Variants in CAPN12 observed in about 807,000 individuals in gnomAD.
The protein encoded by CAPN12 is calpain-12.
A neutral mutation model predicts 95.0 loss-of-function variants in CAPN12; 107 were observed. The observed-to-expected ratio is 1.13, with a 90% CI of 0.96 to 1.32. CAPN12 has a LOEUF of 1.32. Ranked by LOEUF, CAPN12 falls within the 40% of genes most tolerant of loss-of-function variation. The pLI is 0.00. For synonymous variants in CAPN12, 505 were observed against 415.5 expected (o/e 1.22, Z -2.62); for missense variants, 1,136 against 997.8 (o/e 1.14, Z -1.87).
intron 12 of CAPN12, 22 bp downstream of exon 12, chr19:38,736,088 G>C (rs1211387162): frequency 6.8e-6 from 10 of 1,478,262 alleles, no homozygotes; most frequent in Middle Eastern, 2.1e-4. Flanking sequence ...GATGGGGTCG[G>C]ATTTGGGTGC....
At position 38,734,139 on chromosome 19, in the gene CAPN12, C is replaced by T. The variant is rs1324899341; in HGVS notation, c.1878+3G>A. ...TGGGAAGAGGCCCAGTCTCCCACCT[C>T]ACCTGCCACTCCAGGAGGTAGCCCC... On this transcript the variant is annotated splice_donor_region_variant and intron_variant, in intron 17 of 20. Transcript: ENST00000328867. The T allele has an allele frequency of 6.2e-7, 1 of 1,612,550 alleles. No individual in the cohort carries two copies. The highest frequency in any genetic ancestry group is 1.7e-5 in the Admixed American group (1 of 59,982).
rs1970249731 is a variant in CAPN12 at position 38,737,183 on chromosome 19, G to A, written c.1335C>T (p.Tyr445=). The A allele has an allele frequency of 1.3e-6, 2 of 1,548,564 alleles. No individual in the cohort carries two copies. Among genetic ancestry groups the A allele is most frequent in the East Asian group, 2.4e-5 (1 of 41,012 alleles). ...RRRLRAKGLT[Y]LTVGFHVFQI... is the part of the protein sequence containing the mutation. ...GGAACACGTGGAAGCCAACGGTGAGGTAAGTGAGGCCCTTGGCTCTCAGGC... is the reference window on the plus strand; with the variant it reads ...GGAACACGTGGAAGCCAACGGTGAGATAAGTGAGGCCCTTGGCTCTCAGGC... The change falls in exon 10 of 21, where the codon TAC becomes TAT. Residue 445 remains tyrosine (Y), a synonymous_variant. Transcript: ENST00000328867.
rs1969697436 is a variant in CAPN12, at chr19:38,732,461, AG to A, written c.1958-1239del. On this transcript the variant is annotated intron_variant, in intron 18 of 20. Transcript: ENST00000328867. The stretch of plus-strand genomic sequence containing the variant: ...ATTCTCCTGTCTCAGCCTCCCAAGT[AG>A]CTGGGATTACAGGCACGCACCACCA... Among the ~76,000 whole-genome samples the A allele has an allele frequency of 2.0e-5, 3 of 152,190 alleles. No individual in the cohort carries two copies. In the South Asian group the frequency reaches 6.2e-4, roughly 32 times the overall value.
intron 18 of CAPN12, among the ~76,000 whole-genome samples, chr19:38,732,091 G>A (rs1969661753): frequency 2.0e-5 from 3 of 152,240 alleles, no homozygotes; most frequent in Non-Finnish European, 4.4e-5. Context: ...AGGAGTTCCC[G>A]TTTGAGAAAT....
In CAPN12 at chr19:38,744,223, CG is replaced by C; in HGVS notation, c.-59del. 1 of 1,518,552 alleles carries C rather than the reference CG, an allele frequency of 6.6e-7. No individual in the cohort carries two copies. The highest frequency in any genetic ancestry group is 2.3e-5 in the East Asian group (1 of 44,342). 94.1% of individuals were successfully genotyped at this position (1,518,552 alleles called of 1,614,324 possible). ...CCTTTAACCTCCTGAGTCACGGGGGCGGGGCCTCTCTTCCATTGGAGCCCCA... is the reference window on the plus strand; with the variant it reads ...CCTTTAACCTCCTGAGTCACGGGGGCGGGCCTCTCTTCCATTGGAGCCCCA... On this transcript the variant is annotated 5_prime_UTR_variant, in exon 1 of 21. An upstream open reading frame in the 5' UTR loses its in-frame stop. Coordinates refer to ENST00000328867, the MANE Select transcript of CAPN12 (RefSeq NM_144691.4).
In CAPN12 at chr19:38,743,944, T is replaced by C; in HGVS notation, c.222A>G (p.Lys74=). ...CACACTTTACATGGGGCCTCATCCATTTCACGCCTTTGGCCTTCTCCGAGT... is the reference window on the plus strand; with the variant it reads ...CACACTTTACATGGGGCCTCATCCACTTCACGCCTTTGGCCTTCTCCGAGT... ...GPDSEKAKGV[K]WMRPHEFCAE... is the part of the protein sequence containing the mutation. Residue 74 remains lysine (K), a synonymous_variant, in exon 1 of 21, where the codon AAA becomes AAG. Coordinates refer to ENST00000328867, the MANE Select transcript of CAPN12 (RefSeq NM_144691.4). 1.2e-6 allele frequency: 2 copies of C among 1,614,126 alleles called. No individual in the cohort carries two copies. The highest frequency in any genetic ancestry group is 1.7e-6 in the Non-Finnish European group (2 of 1,179,996).
chr19:38,734,443 T>C, intron 15 of CAPN12, 54 bp from the exon 16 acceptor site: 1 of 1,482,030 alleles, frequency 6.7e-7, no homozygotes, highest in South Asian at 1.3e-5. Flanking sequence ...GGCCACCACT[T>C]TAAGGGCTGG....
At chr19:38,736,722 C>G in intron 10 of CAPN12, 159 bp from the exon 11 acceptor site, 1 of 884,330 alleles carries the variant, frequency 1.1e-6, no homozygotes, top group Non-Finnish European at 1.7e-6. Context: ...CCCAGGCCCT[C>G]GCCGACCCCT....
chr19:38,742,287 C>A, intron 3 of CAPN12, 123 bp downstream of exon 3: 2 of 774,586 alleles, frequency 2.6e-6, no homozygotes, highest in Non-Finnish European at 4.3e-6. Flanking sequence ...CGAGATTGTG[C>A]CACTGCACTC....
At chr19:38,735,163 G>C in intron 14 of CAPN12, 1 of 607,244 alleles carries the variant, frequency 1.6e-6, no homozygotes, top group Non-Finnish European at 2.9e-6. Context: ...GGAGGGAGAG[G>C]GTGGTCCTGG....
At chr19:38,737,409 G>A in intron 9 of CAPN12, 21 bp from the exon 10 acceptor site, 1 of 1,609,330 alleles carries the variant, frequency 6.2e-7, no homozygotes, top group Non-Finnish European at 8.5e-7. Flanking sequence ...AGGAAAAAAG[G>A]GGGTTTCCTA....
intron 5 of CAPN12, chr19:38,739,138 A>G (rs1970397524): frequency 5.9e-6 from 1 of 169,164 alleles, no homozygotes; most frequent in African/African-American, 2.4e-5. Flanking sequence ...CCTGCCTCCA[A>G]AAACAAAAAC....
At position 38,730,966 on chromosome 19, in the gene CAPN12, T is replaced by C. The variant is rs1036089865; in HGVS notation, c.2132A>G (p.Gln711Arg). The change falls in exon 20 of 21, where the codon CAG becomes CGG. Residue 711 changes from glutamine to arginine, a missense_variant and splice_region_variant. Coordinates refer to ENST00000328867, the MANE Select transcript of CAPN12 (RefSeq NM_144691.4). ...GEGVICLTHR[Q>R]WMEVATFS is the part of the protein sequence containing the mutation. ...CCCTGTCCCTCCCACCTGGCTCACCTGTCTGTGGGTCAGGCAGATGACCCC... is the reference window on the plus strand; with the variant it reads ...CCCTGTCCCTCCCACCTGGCTCACCCGTCTGTGGGTCAGGCAGATGACCCC... 5.8e-6 allele frequency: 9 copies of C among 1,550,626 alleles called. No homozygotes were observed. The highest frequency in any genetic ancestry group is 4.1e-5 in the African/African-American group (3 of 73,062).
In CAPN12 at chr19:38,744,015, A is replaced by G; in HGVS notation, c.151T>C (p.Phe51Leu). Residue 51 changes from phenylalanine to leucine, a missense_variant, in exon 1 of 21, where the codon TTC (phenylalanine) becomes CTC (leucine). Transcript: ENST00000328867. ...DSGILFRDPY[F>L]PAGPDALGYD... ...CCAAGGGCATCAGGGCCAGCAGGGA[A>G]GTAAGGGTCGCGGAACAGGATCCCC... 1 of 1,614,122 alleles carries G rather than the reference A, an allele frequency of 6.2e-7. No homozygotes were observed. Among genetic ancestry groups the G allele is most frequent in the Non-Finnish European group, 8.5e-7 (1 of 1,179,998 alleles).
Position 38,740,224 on chromosome 19 carries a change from G to A in CAPN12, c.561-5C>T, listed in dbSNP as rs142367713. Reference sequence around the variant, plus strand: ...ACCTCATAGGAGCCGTGGAGCCTGTGGGGGCAGATCTGGGGTGAGGGTTGA... The same window carrying A: ...ACCTCATAGGAGCCGTGGAGCCTGTAGGGGCAGATCTGGGGTGAGGGTTGA... On this transcript the variant is annotated splice_region_variant and splice_polypyrimidine_tract_variant and intron_variant, in intron 4 of 20. Coordinates refer to ENST00000328867, the MANE Select transcript of CAPN12 (RefSeq NM_144691.4). 1.2e-3 allele frequency: 1,889 copies of A among 1,597,862 alleles called. 11 individuals are homozygous for A. The African/African-American group carries it at 0.019, about 16-fold the overall frequency.
chr19:38,737,171 G>A lies in CAPN12; in HGVS notation c.1347C>T (p.Gly449=). 1 of 1,538,554 alleles carries A rather than the reference G, an allele frequency of 6.5e-7. No individual in the cohort carries two copies. Among genetic ancestry groups the A allele is most frequent in the Non-Finnish European group, 8.8e-7 (1 of 1,141,690 alleles). ...RAKGLTYLTV[G]FHVFQIPEEL... ...AGGACCTCACCTGGAACACGTGGAA[G>A]CCAACGGTGAGGTAAGTGAGGCCCT... Residue 449 remains glycine (G), a synonymous_variant, in exon 10 of 21, where the codon GGC becomes GGT. Transcript: ENST00000328867.
At chr19:38,731,491 G>A (rs1370601125) in intron 18 of CAPN12, 1 of 524,710 alleles carries the variant, frequency 1.9e-6, no homozygotes, top group South Asian at 2.1e-5. Context: ...CTCGATGTGT[G>A]GGTACTGTTA....
rs548148055 is a variant in CAPN12, at chr19:38,731,899, C to T, written c.1958-676G>A. On this transcript the variant is annotated intron_variant, in intron 18 of 20. Coordinates refer to ENST00000328867, the MANE Select transcript of CAPN12 (RefSeq NM_144691.4). ...TGCCCAGTGCCAGGTGCTGTTTTAA[C>T]AGGAGGGCAGGTGGCCTGCAGCCTC... Among the ~76,000 whole-genome samples the T allele has an allele frequency of 3.2e-4, 49 of 152,380 alleles. 1 individual carries two copies. In the South Asian group the frequency reaches 9.7e-3, roughly 30 times the overall value.
At position 38,736,455 on chromosome 19, in the gene CAPN12, C is replaced by CCCCCAGGGCAGTTTGACCAAG. The variant is rs1375392559; in HGVS notation, c.1374+76_1374+96dup. The CCCCCAGGGCAGTTTGACCAAG allele has an allele frequency of 9.9e-5, 143 of 1,447,762 alleles. 1 individual carries two copies. Among genetic ancestry groups the CCCCCAGGGCAGTTTGACCAAG allele is most frequent in the African/African-American group, 3.4e-4 (22 of 65,142 alleles). 89.7% of individuals were successfully genotyped at this position (1,447,762 alleles called of 1,614,324 possible). A position where few individuals can be genotyped will look rare whatever the true frequency, so the allele number is the denominator to read the frequency against. On this transcript the variant is annotated intron_variant, in intron 11 of 20. Transcript: ENST00000328867. ...CCCCGGACCCGGCTCTGCCCCCCCA[C>CCCCCAGGGCAGTTTGACCAAG]CCCCAGGGCAGTTTGACCAAGCCCC... is the stretch of plus-strand genomic sequence containing the variant.
Sources: allele counts gnomAD v4.1 joint callset (sites outside exome capture counted in the v4.1 genomes callset), GRCh38; gene constraint gnomAD v4.1.1; transcripts MANE v1.5; gene names NCBI Gene and HGNC (gene_info 2026-07-23, HGNC 2026-07-21).